Variants in FER1L6 observed in about 807,000 individuals in gnomAD.
The protein encoded by FER1L6 is fer-1-like protein 6.
A neutral mutation model predicts 219.2 loss-of-function variants in FER1L6; 177 were observed. The ratio of observed to expected loss-of-function variants is 0.81; its 90% CI spans 0.71 to 0.91. FER1L6 has a LOEUF of 0.91. Ranked by LOEUF, FER1L6 falls within the 40% of genes least tolerant of loss-of-function variation. FER1L6 has a pLI of 0.00. For missense variants in FER1L6, 2,153 were observed against 2,259.9 expected, an observed-to-expected ratio of 0.95 and a Z score of 0.96; for synonymous variants, 768 against 824.3, an observed-to-expected ratio of 0.93 and a Z score of 1.17.
rs185924635 is a variant in FER1L6 at position 123,911,091 on chromosome 8, G to C, written c.-7-44901G>C. 1.7e-3 allele frequency among the ~76,000 whole-genome samples: 259 copies of C among 152,244 alleles called. 1 individual carries two copies. Among genetic ancestry groups the C allele is most frequent in the African/African-American group, 5.9e-3 (244 of 41,548 alleles). The stretch of plus-strand genomic sequence containing the variant: ...GACAGTGATGATGATCATTGGGCAG[G>C]AGTCCATGGAATTCCTCATATACTT... On this transcript the variant is annotated intron_variant, in intron 1 of 40. Coordinates refer to ENST00000522917, the MANE Select transcript of FER1L6 (RefSeq NM_001039112.2).
chr8:124,074,211 T>C (rs1006560737), intron 31 of FER1L6, among the ~76,000 whole-genome samples: 3 of 152,222 alleles, frequency 2.0e-5, no homozygotes, highest in Non-Finnish European at 4.4e-5. Context: ...TCAGAAAAGA[T>C]CATCATTCAA....
intron 10 of FER1L6, among the ~76,000 whole-genome samples, chr8:123,978,532 C>A (rs2130319229): frequency 6.6e-6 from 1 of 152,238 alleles, no homozygotes; most frequent in South Asian, 2.1e-4. Flanking sequence ...CCCAACAAAC[C>A]TTCCCTTCTT....
intron 1 of FER1L6, among the ~76,000 whole-genome samples, chr8:123,896,788 A>G (rs975774336): frequency 6.6e-6 from 1 of 152,122 alleles, no homozygotes; most frequent in African/African-American, 2.4e-5. Context: ...AACACCATCT[A>G]TATGCTGATA....
intron 33 of FER1L6, among the ~76,000 whole-genome samples, chr8:124,085,361 T>C (rs1250930489): frequency 6.6e-6 from 1 of 152,088 alleles, no homozygotes; most frequent in Non-Finnish European, 1.5e-5. Flanking sequence ...GGGTGCTTAT[T>C]GCTATAAACT....
intron 1 of FER1L6, among the ~76,000 whole-genome samples, chr8:123,900,546 G>T (rs1812837966): frequency 6.6e-6 from 1 of 152,064 alleles, no homozygotes; most frequent in Non-Finnish European, 1.5e-5. Flanking sequence ...GGGCATCCTT[G>T]TTTTGTCCCA....
At chr8:123,907,165 C>A (rs1231592946) in intron 1 of FER1L6, among the ~76,000 whole-genome samples, 2 of 152,138 alleles carry the variant, frequency 1.3e-5, no homozygotes. Flanking sequence ...TGTAGTTTGC[C>A]AAATTCTTGA....
chr8:123,855,600 C>T (rs1490323372), intron 1 of FER1L6, among the ~76,000 whole-genome samples: 1 of 150,970 alleles, frequency 6.6e-6, no homozygotes, highest in Non-Finnish European at 1.5e-5. Context: ...GGCCGGCTGT[C>T]TTCCCACTGG....
chr8:124,029,537 T>G (rs1818868225), intron 18 of FER1L6, among the ~76,000 whole-genome samples: 1 of 152,218 alleles, frequency 6.6e-6, no homozygotes, highest in Non-Finnish European at 1.5e-5. Context: ...GTTGAGTTTT[T>G]TCATGTTTGT....
chr8:123,897,271 A>G (rs1812762735), intron 1 of FER1L6, among the ~76,000 whole-genome samples: 1 of 152,094 alleles, frequency 6.6e-6, no homozygotes, highest in African/African-American at 2.4e-5. Flanking sequence ...TTATGAGTCA[A>G]TTATGTTACC....
intron 39 of FER1L6, among the ~76,000 whole-genome samples, chr8:124,109,674 T>C (rs1822933958): frequency 6.6e-6 from 1 of 152,200 alleles, no homozygotes; most frequent in Non-Finnish European, 1.5e-5. Context: ...TTCCTGAGTC[T>C]AGATGATCAT....
intron 19 of FER1L6, among the ~76,000 whole-genome samples, chr8:124,039,022 A>C (rs1165150676): frequency 6.6e-6 from 1 of 152,128 alleles, no homozygotes; most frequent in Admixed American, 6.5e-5. Context: ...ACTGTGATGA[A>C]CTCAACTCTT....
intron 1 of FER1L6, among the ~76,000 whole-genome samples, chr8:123,903,167 G>A (rs562807560): frequency 1.3e-5 from 2 of 152,236 alleles, no homozygotes; most frequent in Admixed American, 6.5e-5. Context: ...CTTGCAGTTG[G>A]TGCTTGCGGC....
At chr8:124,008,014 A>T (rs10093700) in intron 13 of FER1L6, among the ~76,000 whole-genome samples, 452 of 152,208 alleles carry the variant, frequency 3.0e-3, no homozygotes, top group African/African-American at 0.01. Context: ...TTTAGTAGTG[A>T]CTTGTGAGAT....
At chr8:124,013,354 G>A in intron 14 of FER1L6, 77 bp from the exon 15 acceptor site, 1 of 752,910 alleles carries the variant, frequency 1.3e-6, no homozygotes, top group Non-Finnish European at 2.0e-6. Context: ...GTTATTTCTA[G>A]TACATTATAA....
At chr8:124,043,327 C>T (rs1313101903) in intron 20 of FER1L6, among the ~76,000 whole-genome samples, 2 of 152,160 alleles carry the variant, frequency 1.3e-5, no homozygotes, top group Admixed American at 1.3e-4. Flanking sequence ...AGTCCAACAT[C>T]AGGTAGGTAA....
chr8:123,859,954 T>TTTA (rs994053768), intron 1 of FER1L6, among the ~76,000 whole-genome samples: 8 of 140,062 alleles, frequency 5.7e-5, no homozygotes, highest in South Asian at 2.3e-4. Context: ...TTTATTTATT[T>TTTA]TTATTATTAT....
chr8:123,906,155 G>A (rs548476724), intron 1 of FER1L6, among the ~76,000 whole-genome samples: 2 of 152,208 alleles, frequency 1.3e-5, no homozygotes, highest in African/African-American at 4.8e-5. Context: ...TGGCCCAACT[G>A]TAGGAATGAA....
At chr8:123,876,948 C>T (rs2130287506) in intron 1 of FER1L6, among the ~76,000 whole-genome samples, 1 of 152,342 alleles carries the variant, frequency 6.6e-6, no homozygotes, top group Non-Finnish European at 1.5e-5. Context: ...TAACCCCATA[C>T]CTGCTAGGCC....
At chr8:124,061,179 C>G (rs943531623) in intron 24 of FER1L6, among the ~76,000 whole-genome samples, 1 of 152,132 alleles carries the variant, frequency 6.6e-6, no homozygotes, top group Non-Finnish European at 1.5e-5. Flanking sequence ...AGTATTTGTA[C>G]TTAGAATGTC....
Sources: gnomAD v4.1 joint callset for allele counts (sites outside exome capture counted in the v4.1 genomes callset) on GRCh38, gnomAD v4.1.1 for gene constraint, MANE v1.5 for transcripts, NCBI Gene and HGNC (gene_info 2026-07-23, HGNC 2026-07-21) for gene names.